The following GTPBP10 variants were observed in gnomAD, a reference collection of about 807,000 sequenced individuals.
GTPBP10 encodes the protein GTP-binding protein 10.
Under a neutral mutation model 44.8 loss-of-function variants are expected in GTPBP10, and 38 were observed. That is an observed-to-expected ratio of 0.85 (90% confidence interval 0.65 to 1.11). The LOEUF (loss-of-function observed/expected upper bound fraction) is 1.11. Ranked by LOEUF, GTPBP10 falls within the 50% of genes most tolerant of loss-of-function variation. The probability of loss-of-function intolerance (pLI) is 0.00; values close to 1 mark genes in which losing one functional copy is unlikely to be tolerated. For synonymous variants in GTPBP10, 152 were observed against 150.6 expected, an observed-to-expected ratio of 1.01 and a Z score of -0.07; for missense variants, 462 against 453.7, an observed-to-expected ratio of 1.02 and a Z score of -0.17.
intron 8 of GTPBP10, among the ~76,000 whole-genome samples, chr7:90,378,863 C>T (rs924246525): frequency 1.4e-4 from 21 of 152,048 alleles, no homozygotes; most frequent in African/African-American, 3.4e-4. Flanking sequence ...CCACCACGCC[C>T]GGCTAATTTT....
intron 1 of GTPBP10, among the ~76,000 whole-genome samples, chr7:90,348,398 A>G (rs1443360485): frequency 2.6e-5 from 4 of 152,220 alleles, no homozygotes; most frequent in Admixed American, 6.5e-5. Context: ...CACTGATAAC[A>G]TAAGCCGTCA....
At chr7:90,371,552 A>G (rs893305853) in intron 4 of GTPBP10, among the ~76,000 whole-genome samples, 1 of 152,210 alleles carries the variant, frequency 6.6e-6, no homozygotes, top group Non-Finnish European at 1.5e-5. Flanking sequence ...CAACTGACCC[A>G]GTTTCTTTAA....
At chr7:90,365,658 G>A (rs1163072837) in intron 4 of GTPBP10, among the ~76,000 whole-genome samples, 1 of 152,128 alleles carries the variant, frequency 6.6e-6, no homozygotes, top group African/African-American at 2.4e-5. Flanking sequence ...TTACAGGCGT[G>A]AGCCACCGCG....
chr7:90,368,514 C>T (rs1482870616), intron 4 of GTPBP10, among the ~76,000 whole-genome samples: 1 of 152,006 alleles, frequency 6.6e-6, no homozygotes, highest in African/African-American at 2.4e-5. Context: ...CTAATTTTGT[C>T]TTCTCGCTTT....
At chr7:90,350,474 A>C (rs62470794) in intron 1 of GTPBP10, among the ~76,000 whole-genome samples, 135,855 of 152,004 alleles carry the variant, frequency 0.89, 60,917 homozygotes, top group East Asian at 1. Flanking sequence ...TGAGGAATCT[A>C]GAACTGTCTT....
chr7:90,361,447 G>A (rs551485306), intron 4 of GTPBP10, among the ~76,000 whole-genome samples: 36 of 152,240 alleles, frequency 2.4e-4, no homozygotes, highest in East Asian at 1.7e-3. Context: ...ATTGCTTTGC[G>A]TATGTTGAAC....
At chr7:90,361,040 C>T (rs569643181) in intron 4 of GTPBP10, among the ~76,000 whole-genome samples, 6 of 152,246 alleles carry the variant, frequency 3.9e-5, no homozygotes, top group East Asian at 1.9e-4. Context: ...TGGGCTGAGA[C>T]GATGGTGTTT....
At position 90,352,953 on chromosome 7, in the gene GTPBP10, A is replaced by G. The variant is rs755898595; in HGVS notation, c.171A>G (p.Gln57=). 1.2e-6 allele frequency: 2 copies of G among 1,613,332 alleles called. No homozygotes were observed. Among genetic ancestry groups the G allele is most frequent in the South Asian group, 1.1e-5 (1 of 90,956 alleles). The change falls in exon 2 of 10, where the codon CAA becomes CAG. Residue 57 remains glutamine (Q), a synonymous_variant. Coordinates refer to ENST00000222511, the MANE Select transcript of GTPBP10 (RefSeq NM_033107.4). ...VVAQNRMTLK[Q]LKDRYPRKRF... ...CCCAGAACAGAATGACTTTAAAACAACTTAAAGACAGGTATCCTCGGAAAC... is the reference window on the plus strand; with the variant it reads ...CCCAGAACAGAATGACTTTAAAACAGCTTAAAGACAGGTATCCTCGGAAAC...
At chr7:90,378,021 T>G (rs1796371921) in intron 7 of GTPBP10, 113 bp from the exon 8 acceptor site, 1 of 1,298,526 alleles carries the variant, frequency 7.7e-7, no homozygotes, top group Admixed American at 2.7e-5. Flanking sequence ...AAGTAACAAG[T>G]AGAGTATAGA....
chr7:90,384,472 C>T (rs1312048235), intron 9 of GTPBP10, among the ~76,000 whole-genome samples: 1 of 152,136 alleles, frequency 6.6e-6, no homozygotes, highest in Non-Finnish European at 1.5e-5. Context: ...TAAACCTATA[C>T]TTTGGGGAAG....
intron 4 of GTPBP10, among the ~76,000 whole-genome samples, chr7:90,364,076 T>G (rs1233018668): frequency 2.0e-5 from 3 of 152,222 alleles, no homozygotes; most frequent in Non-Finnish European, 4.4e-5. Context: ...TGTGATGGGT[T>G]CCAACTTCCT....
intron 4 of GTPBP10, among the ~76,000 whole-genome samples, chr7:90,362,591 G>T (rs1484591751): frequency 6.6e-6 from 1 of 152,200 alleles, no homozygotes; most frequent in African/African-American, 2.4e-5. Flanking sequence ...GTGTGGTGCT[G>T]AGAAGAATGT....
In GTPBP10 at chr7:90,372,214, T is replaced by C; in HGVS notation, c.524T>C (p.Ile175Thr). 6.2e-7 allele frequency: 1 copy of C among 1,602,140 alleles called. No individual in the cohort carries two copies. Among genetic ancestry groups the C allele is most frequent in the Non-Finnish European group, 8.5e-7 (1 of 1,172,184 alleles). The change falls in exon 5 of 10, where the codon ATT (isoleucine) becomes ACT (threonine). Residue 175 changes from isoleucine (I) to threonine (T), a missense_variant. By Grantham distance (89) the Ile-to-Thr change is moderately conservative (BLOSUM62 -1). Transcript: ENST00000222511. ...TGTGTTTCTCATGCAAAACCTGCAA[T>C]TGCAGATTACGCATGTAAGTGTAAT... ...LSCVSHAKPA[I>T]ADYAFTTLKP... is the part of the protein sequence containing the mutation.
chr7:90,360,479 G>C (rs1345454895), intron 4 of GTPBP10, among the ~76,000 whole-genome samples: 1 of 152,120 alleles, frequency 6.6e-6, no homozygotes, highest in Non-Finnish European at 1.5e-5. Flanking sequence ...TGAGGGCTCT[G>C]GTCTGTCCTA....
chr7:90,382,757 C>G (rs1293289810), intron 8 of GTPBP10, among the ~76,000 whole-genome samples, 199 bp from the exon 9 acceptor site: 1 of 152,196 alleles, frequency 6.6e-6, no homozygotes, highest in African/African-American at 2.4e-5. Flanking sequence ...TCTAGGATAT[C>G]ATTTAAGCTA....
At chr7:90,352,106 A>G (rs1043711381) in intron 1 of GTPBP10, among the ~76,000 whole-genome samples, 1 of 152,226 alleles carries the variant, frequency 6.6e-6, no homozygotes, top group African/African-American at 2.4e-5. Flanking sequence ...GCAATAAGGA[A>G]AAAATGCCTA....
intron 1 of GTPBP10, among the ~76,000 whole-genome samples, chr7:90,350,364 C>T (rs571309664): frequency 3.9e-5 from 6 of 152,308 alleles, no homozygotes; most frequent in East Asian, 1.9e-4. Context: ...AATAAACATA[C>T]GTGTGCATGT....
intron 3 of GTPBP10, among the ~76,000 whole-genome samples, 158 bp from the exon 4 acceptor site, chr7:90,354,928 G>GT (rs1369559729): frequency 7.2e-5 from 11 of 152,076 alleles, no homozygotes; most frequent in Admixed American, 6.5e-4. Flanking sequence ...TTCCTGGCAT[G>GT]TATTTTTGAA....
chr7:90,357,681 C>T (rs954255148), intron 4 of GTPBP10, among the ~76,000 whole-genome samples: 4 of 152,028 alleles, frequency 2.6e-5, no homozygotes, highest in African/African-American at 9.7e-5. Flanking sequence ...CAGTATGTTG[C>T]CTGATACGAA....
Sources: allele counts gnomAD v4.1 joint callset (sites outside exome capture counted in the v4.1 genomes callset), GRCh38; gene constraint gnomAD v4.1.1; transcripts MANE v1.5; gene names NCBI Gene and HGNC (gene_info 2026-07-23, HGNC 2026-07-21).